FSTL1: variants seen among roughly 807,000 people sequenced by gnomAD.
The protein encoded by FSTL1 is follistatin-related protein 1.
Under a neutral mutation model 45.9 loss-of-function variants are expected in FSTL1, and 24 were observed. That is an observed-to-expected ratio of 0.52 (90% CI 0.38 to 0.74). FSTL1 has a LOEUF of 0.74. FSTL1 is among the 30% of genes least tolerant of loss of function. The probability of loss-of-function intolerance (pLI) is 0.00; values close to 1 mark genes in which losing one functional copy is unlikely to be tolerated. For missense variants in FSTL1, 340 were observed against 381.8 expected, an observed-to-expected ratio of 0.89 and a Z score of 0.91; for synonymous variants, 120 against 137.6, an observed-to-expected ratio of 0.87 and a Z score of 0.89.
intron 10 of FSTL1, 77 bp downstream of exon 10, chr3:120,399,806 G>A: frequency 1.1e-6 from 1 of 911,600 alleles, no homozygotes; most frequent in South Asian, 1.4e-5. Context: ...GTCTCCTGGG[G>A]CACTGGGCAG....
In FSTL1 at chr3:120,445,917, T is replaced by C. The variant is rs866750079; in HGVS notation, c.63+4767A>G. Among the ~76,000 whole-genome samples, 8 of 150,062 alleles carry C rather than the reference T, an allele frequency of 5.3e-5. 1 individual carries two copies. In the Middle Eastern group the frequency reaches 0.02, roughly 383 times the overall value. ...AGGGAAGGCCACGCCATTCATGGCATACTCTCAGAGAAAGCACCCCTTGCC... is the reference window on the plus strand; with the variant it reads ...AGGGAAGGCCACGCCATTCATGGCACACTCTCAGAGAAAGCACCCCTTGCC... On this transcript the variant is annotated intron_variant, in intron 2 of 10. Coordinates refer to ENST00000295633, the MANE Select transcript of FSTL1 (RefSeq NM_007085.5).
At chr3:120,448,644 C>T (rs1370790998) in intron 2 of FSTL1, among the ~76,000 whole-genome samples, 1 of 152,214 alleles carries the variant, frequency 6.6e-6, no homozygotes, top group Non-Finnish European at 1.5e-5. Context: ...TCTCCCCCAA[C>T]GCACTCTGTT....
chr3:120,395,682 G>T lies in FSTL1; in HGVS notation c.*1270C>A. On this transcript the variant is annotated 3_prime_UTR_variant, in exon 11 of 11. Transcript: ENST00000295633. ...GTAACAAGATTTCATTTATTCTATA[G>T]AGAAGAAGGAAAAATCACAGGAACC... 1.9e-6 allele frequency: 1 copy of T among 534,512 alleles called. No individual in the cohort carries two copies. The highest frequency in any genetic ancestry group is 1.4e-5 in the South Asian group (1 of 71,568). The allele number at this position is 534,512 out of a possible 1,614,324, so 33.1% of individuals were successfully genotyped here. A position where few individuals can be genotyped will look rare whatever the true frequency, so the allele number is the denominator to read the frequency against.
chr3:120,438,574 CAT>C (rs1937594714), intron 2 of FSTL1: 1 of 152,178 alleles, frequency 6.6e-6, no homozygotes, highest in Non-Finnish European at 1.5e-5. Flanking sequence ...TGTAAATCAC[CAT>C]AAGAGTTAAT....
chr3:120,416,150 C>G (rs926408395), intron 2 of FSTL1, 123 bp from the exon 3 acceptor site: 55 of 750,236 alleles, frequency 7.3e-5, no homozygotes, highest in Non-Finnish European at 1.1e-4. Context: ...TGGTCTTAAA[C>G]AGCTAGATGT....
chr3:120,413,730 A>C (rs1326166189), intron 3 of FSTL1, among the ~76,000 whole-genome samples: 1 of 150,618 alleles, frequency 6.6e-6, no homozygotes, highest in African/African-American at 2.4e-5. Flanking sequence ...CTACAAAAGA[A>C]GTATTTATCA....
chr3:120,397,115 T>A, intron 10 of FSTL1, 119 bp from the exon 11 acceptor site: 1 of 842,896 alleles, frequency 1.2e-6, no homozygotes, highest in South Asian at 1.4e-5. Flanking sequence ...TTTAGTTGTT[T>A]ACTTGTCGGG....
chr3:120,397,693 T>G (rs1329337290), intron 10 of FSTL1, among the ~76,000 whole-genome samples: 2 of 152,228 alleles, frequency 1.3e-5, no homozygotes, highest in Non-Finnish European at 2.9e-5. Context: ...GAAACCAGTT[T>G]GGCCATTTCT....
chr3:120,417,218 C>T (rs565120322), intron 2 of FSTL1, among the ~76,000 whole-genome samples: 2 of 152,188 alleles, frequency 1.3e-5, no homozygotes, highest in Non-Finnish European at 2.9e-5. Flanking sequence ...ATGCAGAGAA[C>T]TCACACCCAC....
chr3:120,411,064 G>T (rs1178125537), intron 4 of FSTL1, 80 bp from the exon 5 acceptor site: 1 of 921,228 alleles, frequency 1.1e-6, no homozygotes, highest in Non-Finnish European at 1.7e-6. Flanking sequence ...GATTACAGCT[G>T]CTCTACATGT....
Position 120,399,814 on chromosome 3 carries a change from C to T in FSTL1, c.882+69G>A, listed in dbSNP as rs1936782172. The T allele has an allele frequency of 6.1e-6, 6 of 986,902 alleles. No individual in the cohort carries two copies. In the Admixed American group the frequency reaches 7.9e-5, roughly 13 times the overall value. The allele number at this position is 986,902 out of a possible 1,614,324, so 61.1% of individuals were successfully genotyped here. On this transcript the variant is annotated intron_variant, in intron 10 of 10. Coordinates refer to ENST00000295633, the MANE Select transcript of FSTL1 (RefSeq NM_007085.5). Reference sequence around the variant, plus strand: ...CTCCTTGGTCTCCTGGGGCACTGGGCAGTGTTTGAATGGTATAGGGCCTGA... The same window carrying T: ...CTCCTTGGTCTCCTGGGGCACTGGGTAGTGTTTGAATGGTATAGGGCCTGA...
intron 3 of FSTL1, among the ~76,000 whole-genome samples, chr3:120,412,863 C>CAT: frequency 6.6e-6 from 1 of 151,866 alleles, no homozygotes; most frequent in Non-Finnish European, 1.5e-5. Flanking sequence ...CACACACACA[C>CAT]ACACACACAC....
At chr3:120,420,035 A>G (rs1452821962) in intron 2 of FSTL1, among the ~76,000 whole-genome samples, 3 of 152,208 alleles carry the variant, frequency 2.0e-5, no homozygotes, top group Non-Finnish European at 4.4e-5. Context: ...GGAATAGAAC[A>G]AAGGCCAGTC....
At chr3:120,403,970 A>C (rs1533722) in intron 7 of FSTL1, among the ~76,000 whole-genome samples, 53,109 of 108,074 alleles carry the variant, frequency 0.49, 11,712 homozygotes, top group Non-Finnish European at 0.53. Flanking sequence ...ACAAAAACAA[A>C]AACAAAAAAA....
At chr3:120,399,999 G>A (rs1936789302) in intron 9 of FSTL1, 40 bp from the exon 10 acceptor site, 1 of 1,383,402 alleles carries the variant, frequency 7.2e-7, no homozygotes, top group Non-Finnish European at 1.0e-6. Context: ...AGCAGCTGTG[G>A]TAAGCCAGTG....
chr3:120,417,150 TG>T (rs968227411), intron 2 of FSTL1, among the ~76,000 whole-genome samples: 4 of 152,198 alleles, frequency 2.6e-5, no homozygotes, highest in African/African-American at 9.6e-5. Context: ...TGGGGCTGGC[TG>T]GGGTAAGGCA....
chr3:120,422,511 A>G (rs190407145), intron 2 of FSTL1, among the ~76,000 whole-genome samples: 98 of 152,322 alleles, frequency 6.4e-4, no homozygotes, highest in African/African-American at 2.3e-3. Flanking sequence ...CTGCTTAAAA[A>G]TAAACAAAAA....
chr3:120,413,154 A>G (rs972071700), intron 3 of FSTL1, among the ~76,000 whole-genome samples: 4 of 152,212 alleles, frequency 2.6e-5, no homozygotes, highest in African/African-American at 9.6e-5. Context: ...CAGGAAGTAA[A>G]TTTAGCTCAG....
At chr3:120,435,742 A>G (rs1264264428) in intron 2 of FSTL1, among the ~76,000 whole-genome samples, 1 of 152,214 alleles carries the variant, frequency 6.6e-6, no homozygotes. Context: ...CCACTGTAAC[A>G]TGAGTAATTT....
Sources: allele counts gnomAD v4.1 joint callset (sites outside exome capture counted in the v4.1 genomes callset), GRCh38; gene constraint gnomAD v4.1.1; transcripts MANE v1.5; gene names NCBI Gene and HGNC (gene_info 2026-07-23, HGNC 2026-07-21).